Variants in NAV1 observed in about 807,000 individuals in gnomAD.
NAV1 encodes the protein pore membrane and/or filament interacting like protein 3.
NAV1 carries 18 observed loss-of-function variants against 175.2 expected under a neutral mutation model. The observed-to-expected ratio is 0.10, with a 90% CI of 0.07 to 0.15. The LOEUF is 0.15. Ranked by LOEUF, NAV1 falls within the 10% of genes least tolerant of loss-of-function variation. NAV1 has a pLI of 1.00. For synonymous variants in NAV1, 897 were observed against 978.7 expected (o/e 0.92, Z 1.56); for missense variants, 1,731 against 2,436.6 (o/e 0.71, Z 6.10).
chr1:201,572,849 G>T (rs1390598380), intron 1 of NAV1, among the ~76,000 whole-genome samples: 1 of 152,246 alleles, frequency 6.6e-6, no homozygotes, highest in South Asian at 2.1e-4. Context: ...CCCTGGGGTA[G>T]GGGGTGGTTT....
chr1:201,794,614 A>G (rs777783012), intron 15 of NAV1, 37 bp downstream of exon 19: 17 of 1,552,152 alleles, frequency 1.1e-5, no homozygotes, highest in African/African-American at 6.8e-5. Context: ...GGGAACAGGG[A>G]GCAGGAAAGT....
At chr1:201,697,334 G>A (rs1312536287) in intron 1 of NAV1, among the ~76,000 whole-genome samples, 3 of 152,192 alleles carry the variant, frequency 2.0e-5, no homozygotes, top group African/African-American at 4.8e-5. Flanking sequence ...GCCAGGCAGG[G>A]TGGATGTCAG....
In NAV1 at chr1:201,810,988, C is replaced by T. The variant is rs1450531380; in HGVS notation, c.4797+230C>T. 6.6e-6 allele frequency among the ~76,000 whole-genome samples: 1 copy of T among 152,120 alleles called. No homozygotes were observed. The highest frequency in any genetic ancestry group is 2.4e-5 in the African/African-American group (1 of 41,414). ...CTTGCCTTTAACTTGTTTCTCCACA[C>T]TTTCCCTTGCCTTTATGGAGAAAGG... is the stretch of plus-strand genomic sequence containing the variant. On this transcript the variant is annotated intron_variant, in intron 24 of 29. Transcript: ENST00000367296. The surrounding 1 kb of genome is among the most constrained non-coding windows in gnomAD (Gnocchi z 6.0).
At chr1:201,672,326 A>G (rs185528846) in intron 1 of NAV1, among the ~76,000 whole-genome samples, 1 of 152,284 alleles carries the variant, frequency 6.6e-6, no homozygotes, top group Admixed American at 6.5e-5. Flanking sequence ...GTTGCAATCC[A>G]CTACATTGAT....
At chr1:201,540,645 A>G (rs969319326) in intron 1 of NAV1, among the ~76,000 whole-genome samples, 1 of 152,104 alleles carries the variant, frequency 6.6e-6, no homozygotes, top group Non-Finnish European at 1.5e-5. Flanking sequence ...TCCTGCTTTG[A>G]CTTTTTGTTG....
chr1:201,648,950 C>A, exon 1 of NAV1: 1 of 1,613,096 alleles, frequency 6.2e-7, no homozygotes, highest in Non-Finnish European at 8.5e-7. Context: ...TCACCAACCT[C>A]TCTTTTCTCA....
At position 201,760,186 on chromosome 1, in the gene NAV1, C is replaced by T. The variant is rs151325048; in HGVS notation, c.1227-20235C>T. 3.0e-3 allele frequency among the ~76,000 whole-genome samples: 459 copies of T among 152,270 alleles called. 1 individual carries two copies. The highest frequency in any genetic ancestry group is 5.1e-3 in the Admixed American group (78 of 15,296). ...ATCAAAAGTTTATATAACCTGGTGG[C>T]TGGGCATGGTGGTTCACGCCTGTAA... On this transcript the variant is annotated intron_variant, in intron 3 of 29. Coordinates refer to ENST00000367296, the Ensembl canonical transcript of NAV1.
At chr1:201,595,695 C>T (rs951754173) in intron 2 of NAV1, among the ~76,000 whole-genome samples, 3 of 152,228 alleles carry the variant, frequency 2.0e-5, no homozygotes, top group African/African-American at 7.2e-5. Flanking sequence ...AGAAGCTGGC[C>T]TCCAACATGG....
intron 1 of NAV1, among the ~76,000 whole-genome samples, chr1:201,666,826 G>A (rs1477860668): frequency 6.6e-6 from 1 of 152,178 alleles, no homozygotes; most frequent in Admixed American, 6.5e-5. Flanking sequence ...TTTCTGGGAG[G>A]CAGGGAAGTA....
chr1:201,565,359 T>C (rs1327064872), intron 1 of NAV1, among the ~76,000 whole-genome samples: 1 of 152,262 alleles, frequency 6.6e-6, no homozygotes, highest in Non-Finnish European at 1.5e-5. Flanking sequence ...CTGGGCTCAT[T>C]GTCAGTCTCC....
chr1:201,625,740 T>C (rs951343475), intron 1 of NAV1, among the ~76,000 whole-genome samples: 3 of 152,232 alleles, frequency 2.0e-5, no homozygotes, highest in Admixed American at 2.0e-4. Context: ...TTGAATTCAT[T>C]CTTTGGGAAA....
chr1:201,819,648 T>C (rs1202609791), intron 29 of NAV1, among the ~76,000 whole-genome samples, 189 bp from the exon 34 acceptor site: 1 of 151,998 alleles, frequency 6.6e-6, no homozygotes, highest in African/African-American at 2.4e-5. Flanking sequence ...TTTTTTATTG[T>C]TTTATTTTTA....
chr1:201,734,294 G>T (rs563988726), intron 3 of NAV1, among the ~76,000 whole-genome samples: 101 of 152,004 alleles, frequency 6.6e-4, no homozygotes, highest in African/African-American at 2.3e-3. Flanking sequence ...TGTGGTCCCA[G>T]CAACTCAGGA....
At chr1:201,722,155 G>A (rs1446672888) in intron 3 of NAV1, among the ~76,000 whole-genome samples, 2 of 152,084 alleles carry the variant, frequency 1.3e-5, no homozygotes, top group African/African-American at 4.8e-5. Context: ...CAGTTTAGTG[G>A]CATTCAGTAC....
chr1:201,727,769 G>A (rs1672671402), intron 3 of NAV1, among the ~76,000 whole-genome samples: 2 of 152,210 alleles, frequency 1.3e-5, no homozygotes, highest in South Asian at 4.1e-4. Context: ...GGATTTCTAG[G>A]AGATGACGTG....
chr1:201,584,864 GA>G (rs1666979428), intron 1 of NAV1, among the ~76,000 whole-genome samples: 1 of 152,220 alleles, frequency 6.6e-6, no homozygotes, highest in African/African-American at 2.4e-5. Flanking sequence ...GGGAATCAAG[GA>G]AGCTCTTGAC....
chr1:201,762,631 T>A (rs940568325), intron 3 of NAV1, among the ~76,000 whole-genome samples: 1 of 152,252 alleles, frequency 6.6e-6, no homozygotes, highest in African/African-American at 2.4e-5. Context: ...ATTGAGTAGT[T>A]GTGACAGAGA....
intron 3 of NAV1, among the ~76,000 whole-genome samples, chr1:201,722,014 GAAGA>G (rs1672407007): frequency 6.6e-6 from 1 of 152,146 alleles, no homozygotes; most frequent in Non-Finnish European, 1.5e-5. Flanking sequence ...AAACTAGAAG[GAAGA>G]AAGTGACTCT....
chr1:201,567,635 T>C (rs1168336159), intron 1 of NAV1, among the ~76,000 whole-genome samples: 1 of 152,122 alleles, frequency 6.6e-6, no homozygotes, highest in South Asian at 2.1e-4. Context: ...CACAGGGAGA[T>C]GGAACTCACA....
Sources: gnomAD v4.1 joint callset for allele counts (sites outside exome capture counted in the v4.1 genomes callset) on GRCh38, gnomAD v4.1.1 for gene constraint, Gnocchi (gnomAD v3.1) non-coding constraint, MANE v1.5 for transcripts, NCBI Gene and HGNC (gene_info 2026-07-23, HGNC 2026-07-21) for gene names.